The following VAV2 variants were observed in gnomAD, a reference collection of about 807,000 sequenced individuals.
VAV2 encodes guanine nucleotide exchange factor VAV2.
VAV2 carries 67 observed loss-of-function variants against 132.5 expected under a neutral mutation model. That is an observed-to-expected ratio of 0.51 (90% CI 0.42 to 0.62). The LOEUF (loss-of-function observed/expected upper bound fraction) is 0.62, where lower values mean the gene tolerates loss of function less well. Among genes scored for constraint, VAV2 ranks in the 20% least tolerant of loss-of-function variants. The pLI is 0.00. For synonymous variants in VAV2, 492 were observed against 443.5 expected (o/e 1.11, Z -1.37); for missense variants, 938 against 1,153.6 (o/e 0.81, Z 2.71).
chr9:133,806,177 A>G lies in VAV2; in HGVS notation c.740T>C (p.Leu247Pro). The G allele has an allele frequency of 6.2e-7, 1 of 1,611,620 alleles. No homozygotes were observed. The highest frequency in any genetic ancestry group is 8.5e-7 in the Non-Finnish European group (1 of 1,179,494). The part of the protein sequence containing the change: ...MAAVFINLED[L>P]IKVHHSFLRA... ...CAGGAAGCTGTGATGCACCTTGATC[A>G]GGTCCTGGGTTGAAAACCAGCCGTG... Residue 247 changes from leucine to proline, a missense_variant, in exon 9 of 30, where the codon CTG (leucine) becomes CCG (proline). Transcript: ENST00000371850.
intron 10 of VAV2, 118 bp from the exon 11 acceptor site, chr9:133,796,642 G>A: frequency 1.1e-6 from 1 of 899,914 alleles, no homozygotes; most frequent in South Asian, 1.7e-5. Flanking sequence ...CCAGACGTTT[G>A]GCCCTTCTCT....
intron 6 of VAV2, among the ~76,000 whole-genome samples, chr9:133,809,767 G>A (rs1355798875): frequency 6.6e-6 from 1 of 152,352 alleles, no homozygotes; most frequent in East Asian, 1.9e-4. Flanking sequence ...GAGATTGCCT[G>A]GCCCATGGTC....
chr9:133,789,744 G>A (rs1011043314), intron 13 of VAV2, among the ~76,000 whole-genome samples: 4 of 152,348 alleles, frequency 2.6e-5, no homozygotes, highest in South Asian at 2.1e-4. Context: ...GCTGCAGGGC[G>A]GGTGGGGCCG....
chr9:133,791,546 TCCC>T (rs1834462278), intron 13 of VAV2, among the ~76,000 whole-genome samples: 1 of 52,484 alleles, frequency 1.9e-5, no homozygotes, highest in African/African-American at 7.2e-5. Context: ...CCCGTCCCCC[TCCC>T]CCCGAGCACA....
At chr9:133,972,633 A>G (rs139443104) in intron 1 of VAV2, among the ~76,000 whole-genome samples, 1,801 of 152,310 alleles carry the variant, frequency 0.012, 31 homozygotes, top group African/African-American at 0.041. Flanking sequence ...ACAGACAGTC[A>G]GAGTCATCGG....
chr9:133,920,778 C>T (rs567041691), intron 2 of VAV2, among the ~76,000 whole-genome samples: 65 of 152,214 alleles, frequency 4.3e-4, no homozygotes, highest in Admixed American at 1.1e-3. Context: ...CCTGCTGCTG[C>T]GGCTGCCTGA....
intron 3 of VAV2, among the ~76,000 whole-genome samples, chr9:133,845,099 C>T (rs866032058): frequency 1.3e-5 from 2 of 152,264 alleles, no homozygotes; most frequent in Admixed American, 1.3e-4. Flanking sequence ...GAGCTTCCCC[C>T]GCTCTCGCGT....
At chr9:133,890,676 G>A (rs1009786793) in intron 2 of VAV2, among the ~76,000 whole-genome samples, 6 of 152,196 alleles carry the variant, frequency 3.9e-5, no homozygotes, top group Admixed American at 2.0e-4. Flanking sequence ...GAAAGGAAGG[G>A]GAGGTGAGGA....
intron 20 of VAV2, among the ~76,000 whole-genome samples, 193 bp downstream of exon 20, chr9:133,780,501 G>A (rs1224064327): frequency 6.6e-6 from 1 of 152,130 alleles, no homozygotes; most frequent in Non-Finnish European, 1.5e-5. Context: ...GGAAGACACC[G>A]CTGGGGCCCC....
At position 133,834,605 on chromosome 9, in the gene VAV2, T is replaced by C. The variant is rs1168995190; in HGVS notation, c.381-265A>G. Among the ~76,000 whole-genome samples the C allele has an allele frequency of 6.6e-6, 1 of 152,212 alleles. No individual in the cohort carries two copies. The highest frequency in any genetic ancestry group is 1.5e-5 in the Non-Finnish European group (1 of 68,034). On this transcript the variant is annotated intron_variant, in intron 3 of 29. Coordinates refer to ENST00000371850, the MANE Select transcript of VAV2 (RefSeq NM_001134398.2). This position sits in a 1 kb window ranked among gnomAD's most constrained non-coding sequence, Gnocchi z 5.9. ...CCCACTCCGGGCTCCGGGTGTCCAG[T>C]GGGAAGACGAGAGGCCCAGGTCAGG...
Position 133,912,659 on chromosome 9 carries a change from C to T in VAV2, c.321+26444G>A, listed in dbSNP as rs908811410. Among the ~76,000 whole-genome samples, 3 of 152,110 alleles carry T rather than the reference C, an allele frequency of 2.0e-5. No individual in the cohort carries two copies. The highest frequency in any genetic ancestry group is 1.9e-4 in the East Asian group (1 of 5,186). ...CTTCTCCACGTGTGCACAGCACTCC[C>T]GAGGCGCTCCCAAGCTGTCAGGCAG... On this transcript the variant is annotated intron_variant, in intron 2 of 29. Transcript: ENST00000371850. This position sits in a 1 kb window ranked among gnomAD's most constrained non-coding sequence, Gnocchi z 4.3.
rs930742395 is a variant in VAV2 at position 133,782,228 on chromosome 9, CT to C, written c.1723+1274del. Among the ~76,000 whole-genome samples, 54 of 151,760 alleles carry C rather than the reference CT, an allele frequency of 3.6e-4. 1 individual carries two copies. The highest frequency in any genetic ancestry group is 1.1e-3 in the African/African-American group (46 of 41,366). On this transcript the variant is annotated intron_variant, in intron 19 of 29. Coordinates refer to ENST00000371850, the MANE Select transcript of VAV2 (RefSeq NM_001134398.2). ...TGATACTTTCTTTAAAATTTCATTT[CT>C]TTTTTTTTCCTCCAAATTTTTGATA...
At chr9:133,832,312 A>G (rs1164375377) in intron 4 of VAV2, among the ~76,000 whole-genome samples, 1 of 152,166 alleles carries the variant, frequency 6.6e-6, no homozygotes, top group East Asian at 1.9e-4. Context: ...AGGATTTCCA[A>G]GGCAAGGAAT....
At chr9:133,841,131 G>A (rs1192147421) in intron 3 of VAV2, among the ~76,000 whole-genome samples, 1 of 152,218 alleles carries the variant, frequency 6.6e-6, no homozygotes, top group East Asian at 1.9e-4. Flanking sequence ...GGTTCTAGGG[G>A]ACGAGCCCGG....
intron 4 of VAV2, among the ~76,000 whole-genome samples, chr9:133,820,935 G>A (rs1380437162): frequency 2.8e-5 from 4 of 144,794 alleles, no homozygotes; most frequent in East Asian, 3.8e-4. Context: ...CGCGGCACAC[G>A]GAACCAGAGC....
intron 29 of VAV2, among the ~76,000 whole-genome samples, chr9:133,766,558 G>A (rs2131557801): frequency 6.6e-6 from 1 of 151,880 alleles, no homozygotes; most frequent in East Asian, 1.9e-4. Context: ...TCTCTCATAG[G>A]TGGGAACTGA....
At chr9:133,893,666 CAGG>C (rs1305151772) in intron 2 of VAV2, among the ~76,000 whole-genome samples, 1 of 152,232 alleles carries the variant, frequency 6.6e-6, no homozygotes, top group Middle Eastern at 3.2e-3. Flanking sequence ...CAGCCAAGGC[CAGG>C]AGGAGCCCAA....
intron 7 of VAV2, among the ~76,000 whole-genome samples, chr9:133,808,592 C>T (rs1019722911): frequency 1.3e-5 from 2 of 152,206 alleles, no homozygotes; most frequent in African/African-American, 4.8e-5. Flanking sequence ...GAGTCTGCAG[C>T]TCTGGTCACT....
chr9:133,984,839 C>T (rs1283246607), intron 1 of VAV2, among the ~76,000 whole-genome samples: 1 of 149,106 alleles, frequency 6.7e-6, no homozygotes, highest in Non-Finnish European at 1.5e-5. Context: ...ACCGGGCAGG[C>T]AAAGGTTGTA....
Sources: gnomAD v4.1 joint callset for allele counts (sites outside exome capture counted in the v4.1 genomes callset) on GRCh38, gnomAD v4.1.1 for gene constraint, Gnocchi (gnomAD v3.1) non-coding constraint, MANE v1.5 for transcripts, NCBI Gene and HGNC (gene_info 2026-07-23, HGNC 2026-07-21) for gene names.